Variants in ADGRV1 observed in about 807,000 individuals in gnomAD.
ADGRV1 encodes the protein G-protein coupled receptor 98.
Under a neutral mutation model 596.2 loss-of-function variants are expected in ADGRV1, and 359 were observed. The observed-to-expected ratio is 0.60, with a 90% CI of 0.55 to 0.66. ADGRV1 has a LOEUF of 0.66. ADGRV1 is among the 30% of genes least tolerant of loss of function. ADGRV1 has a pLI of 0.00. For synonymous variants in ADGRV1, 2,681 were observed against 2,679.2 expected (o/e 1.00, Z -0.02); for missense variants, 7,274 against 7,575.6 (o/e 0.96, Z 1.48).
intron 83 of ADGRV1, among the ~76,000 whole-genome samples, chr5:90,878,268 G>A (rs564322793): frequency 3.9e-5 from 6 of 152,240 alleles, no homozygotes; most frequent in Non-Finnish European, 8.8e-5. Context: ...CTTCACAATC[G>A]GTCACTGATA....
At chr5:91,078,738 T>C in intron 86 of ADGRV1, among the ~76,000 whole-genome samples, 1 of 152,322 alleles carries the variant, frequency 6.6e-6, no homozygotes, top group East Asian at 1.9e-4. Context: ...ATTCCAGACA[T>C]GGACATGTGA....
At chr5:90,996,839 A>T (rs1781461749) in intron 85 of ADGRV1, among the ~76,000 whole-genome samples, 1 of 152,186 alleles carries the variant, frequency 6.6e-6, no homozygotes, top group South Asian at 2.1e-4. Context: ...ACATAGAATC[A>T]AAAGAGATTA....
intron 70 of ADGRV1, chr5:90,792,957 A>C (rs1760245199): frequency 6.6e-6 from 1 of 152,166 alleles, no homozygotes. Context: ...TGTGGGGGAG[A>C]CTGGAACACT....
intron 83 of ADGRV1, among the ~76,000 whole-genome samples, chr5:90,936,848 G>C (rs1431332030): frequency 6.6e-6 from 1 of 151,804 alleles, no homozygotes; most frequent in East Asian, 1.9e-4. Context: ...TTTAATTATT[G>C]ATTTCTAATT....
intron 85 of ADGRV1, among the ~76,000 whole-genome samples, chr5:90,992,892 A>G (rs1212216778): frequency 6.6e-6 from 1 of 152,150 alleles, no homozygotes; most frequent in Admixed American, 6.5e-5. Flanking sequence ...AAACTTATAG[A>G]AAAATTGCAA....
rs374541956 is a variant in ADGRV1 at position 90,791,299 on chromosome 5, A to G, written c.14470A>G (p.Lys4824Glu). Residue 4824 changes from lysine (K) to glutamate (E), a missense_variant, in exon 70 of 90, where the codon AAA (lysine) becomes GAA (glutamate). Transcript: ENST00000405460. ...TENAERQLVV[K>E]DGATYKVDVV... The stretch of plus-strand genomic sequence containing the variant: ...AAATGCAGAGAGGCAGCTGGTGGTC[A>G]AAGATGGTGCCACATATAAAGTGGA... 6.3e-7 allele frequency: 1 copy of G among 1,594,884 alleles called. No individual in the cohort carries two copies. The highest frequency in any genetic ancestry group is 1.3e-5 in the African/African-American group (1 of 74,632).
chr5:90,689,767 C>G, intron 29 of ADGRV1, 94 bp from the exon 30 acceptor site: 1 of 774,962 alleles, frequency 1.3e-6, no homozygotes, highest in Non-Finnish European at 2.1e-6. Context: ...CCAAGTAGAT[C>G]CATAAAGTTT....
intron 34 of ADGRV1, among the ~76,000 whole-genome samples, chr5:90,700,635 T>G (rs1259559494): frequency 1.3e-5 from 2 of 152,120 alleles, no homozygotes; most frequent in Admixed American, 6.5e-5. Context: ...GGATTTTAAA[T>G]TTTTTCTTCT....
intron 55 of ADGRV1, among the ~76,000 whole-genome samples, chr5:90,756,050 T>C (rs1360807690): frequency 6.6e-6 from 1 of 151,752 alleles, no homozygotes; most frequent in South Asian, 2.1e-4. Flanking sequence ...TTTTAAAAAT[T>C]AAATATAGGC....
At chr5:91,105,627 A>G (rs909043832) in intron 87 of ADGRV1, among the ~76,000 whole-genome samples, 1 of 152,196 alleles carries the variant, frequency 6.6e-6, no homozygotes, top group African/African-American at 2.4e-5. Flanking sequence ...GGTCATTTGT[A>G]TAACTGTTCA....
chr5:90,672,496 C>T (rs374471431), intron 21 of ADGRV1, 50 bp from the exon 22 acceptor site: 2 of 1,407,830 alleles, frequency 1.4e-6, no homozygotes, highest in Non-Finnish European at 2.0e-6. Context: ...GTAATTTTGT[C>T]ACTGATTTGA....
At chr5:90,927,302 A>T (rs1475564740) in intron 83 of ADGRV1, among the ~76,000 whole-genome samples, 1 of 151,056 alleles carries the variant, frequency 6.6e-6, no homozygotes. Context: ...GACTTGCTTT[A>T]TGAATCTGGG....
chr5:91,094,032 A>G (rs999688471), intron 86 of ADGRV1, among the ~76,000 whole-genome samples: 6 of 151,740 alleles, frequency 4.0e-5, no homozygotes, highest in African/African-American at 1.4e-4. Flanking sequence ...TTGTATTTTT[A>G]GTAGAGATGG....
At chr5:90,968,823 T>C (rs1778700608) in intron 84 of ADGRV1, among the ~76,000 whole-genome samples, 2 of 152,312 alleles carry the variant, frequency 1.3e-5, no homozygotes, top group African/African-American at 4.8e-5. Context: ...TTTACTTTAA[T>C]GATTCTACTT....
intron 83 of ADGRV1, among the ~76,000 whole-genome samples, chr5:90,875,121 A>G (rs1769104912): frequency 6.6e-6 from 1 of 152,202 alleles, no homozygotes; most frequent in Non-Finnish European, 1.5e-5. Flanking sequence ...TTGAGCCTGC[A>G]GTGAGCTATG....
chr5:90,652,537 A>G lies in ADGRV1; in HGVS notation c.3608A>G (p.Tyr1203Cys), dbSNP rs1375417754. The change falls in exon 19 of 90, where the codon TAT becomes TGT. Residue 1203 changes from tyrosine (Y) to cysteine (C), a missense_variant. Physicochemically the swap from Tyr to Cys is radical, Grantham distance 194 (BLOSUM62 -2). Around this residue, in one of 5 missense-constraint regions of ADGRV1, gnomAD observed 1,715 missense variants for 1,708.8 expected, o/e 1.00. Coordinates refer to ENST00000405460, the MANE Select transcript of ADGRV1 (RefSeq NM_032119.4). The part of the protein sequence containing the change: ...PDKIPEFNEF[Y>C]FLKLVNISGG... ...AAAATTCCTGAATTCAATGAATTTTATTTCCTAAAACTTGTAAACATTTCA... is the reference window on the plus strand; with the variant it reads ...AAAATTCCTGAATTCAATGAATTTTGTTTCCTAAAACTTGTAAACATTTCA... 3.1e-6 allele frequency: 5 copies of G among 1,610,310 alleles called. No individual in the cohort carries two copies. The highest frequency in any genetic ancestry group is 4.2e-6 in the Non-Finnish European group (5 of 1,177,386).
chr5:90,787,995 C>G (rs533497908), intron 67 of ADGRV1, 76 bp from the exon 68 acceptor site: 14 of 1,036,794 alleles, frequency 1.4e-5, no homozygotes, highest in Non-Finnish European at 1.8e-5. Flanking sequence ...TTTCTTAATA[C>G]TAGATACCCT....
In ADGRV1 at chr5:90,685,776, TCAGTTC is replaced by T; in HGVS notation, c.6275-1_6279del. The T allele has an allele frequency of 6.2e-7, 1 of 1,602,078 alleles. No homozygotes were observed. The highest frequency in any genetic ancestry group is 8.5e-7 in the Non-Finnish European group (1 of 1,176,104). ...GTGTTCTGTGTGGATCTTCTGTCTT[TCAGTTC>T]CAAATTCTCCACGTCTTGGGCCTAA... On this transcript the variant is annotated splice_acceptor_variant and splice_polypyrimidine_tract_variant and coding_sequence_variant and intron_variant, in exon 29 of 90. Transcript: ENST00000405460. LOFTEE classifies it high-confidence loss of function.
intron 1 of ADGRV1, among the ~76,000 whole-genome samples, chr5:90,596,083 G>GGGCAGAGAC (rs1760499633): frequency 6.7e-6 from 1 of 150,228 alleles, no homozygotes; most frequent in Non-Finnish European, 1.5e-5. Flanking sequence ...CGGGGCGGCC[G>GGGCAGAGAC]GGCAGAGACG....
Sources: gnomAD v4.1 joint callset for allele counts (sites outside exome capture counted in the v4.1 genomes callset) on GRCh38, gnomAD v4.1.1 for gene constraint, gnomAD v4.1.1 regional missense constraint, MANE v1.5 for transcripts, NCBI Gene and HGNC (gene_info 2026-07-23, HGNC 2026-07-21) for gene names.